RNF17: variants seen among roughly 807,000 people sequenced by gnomAD.
The protein encoded by RNF17 is spermatogenesis associated 23.
A neutral mutation model predicts 200.5 loss-of-function variants in RNF17; 31 were observed. That is an observed-to-expected ratio of 0.15 (90% confidence interval 0.12 to 0.21). RNF17 has a LOEUF of 0.21. RNF17 is among the 10% of genes least tolerant of loss of function. RNF17 has a pLI of 1.00. For missense variants in RNF17, 1,628 were observed against 1,905.1 expected (o/e 0.85, Z 2.71); for synonymous variants, 606 against 637.8 (o/e 0.95, Z 0.75).
At chr13:24,862,514 G>C (rs975574134) in intron 27 of RNF17, among the ~76,000 whole-genome samples, 199 bp from the exon 28 acceptor site, 2 of 152,068 alleles carry the variant, frequency 1.3e-5, no homozygotes, top group Non-Finnish European at 2.9e-5. Flanking sequence ...TATTTTTAAA[G>C]CATAAAATGA....
chr13:24,754,194 GA>G, the RNF17 span, among the ~76,000 whole-genome samples: 1 of 151,312 alleles, frequency 6.6e-6, no homozygotes, highest in African/African-American at 2.4e-5. Context: ...AAAATAAATA[GA>G]AAAAAAGGAA....
chr13:24,779,537 T>A (rs1238838834), intron 4 of RNF17, 130 bp from the exon 5 acceptor site: 1 of 591,932 alleles, frequency 1.7e-6, no homozygotes, highest in Non-Finnish European at 2.9e-6. Flanking sequence ...TGTTTTCACT[T>A]TTCTGTAGTG....
intron 2 of RNF17, among the ~76,000 whole-genome samples, chr13:24,767,746 CAAAA>C (rs71186846): frequency 1.1e-5 from 1 of 94,992 alleles, no homozygotes; most frequent in Non-Finnish European, 2.2e-5. Context: ...GACTCCATCT[CAAAA>C]AAAAAAAAAA....
In RNF17 at chr13:24,879,290, C is replaced by G; in HGVS notation, c.*5C>G. 6.3e-7 allele frequency: 1 copy of G among 1,582,220 alleles called. No individual in the cohort carries two copies. Among genetic ancestry groups the G allele is most frequent in the Non-Finnish European group, 8.7e-7 (1 of 1,151,200 alleles). ...CTTGCAGATAAAGATGAATAAGTGC[C>G]TAAGTGTAAGTTCTCATTCTCTTCA... On this transcript the variant is annotated 3_prime_UTR_variant, in exon 35 of 36. Coordinates refer to ENST00000255324, the MANE Select transcript of RNF17 (RefSeq NM_031277.3).
chr13:24,847,428 C>CT lies in RNF17; in HGVS notation c.3101+2352dup, dbSNP rs760988972. On this transcript the variant is annotated intron_variant, in intron 22 of 35. Transcript: ENST00000255324. ...TGGCGTCATCTCAGCTCACCGCAACCTTTGCCTCCCAGATTCAAGCGATTC... is the reference window on the plus strand; with the variant it reads ...TGGCGTCATCTCAGCTCACCGCAACCTTTTGCCTCCCAGATTCAAGCGATTC... 2.0e-5 allele frequency among the ~76,000 whole-genome samples: 3 copies of CT among 151,458 alleles called. No individual in the cohort carries two copies. In the East Asian group the frequency reaches 5.8e-4, roughly 30 times the overall value.
intron 15 of RNF17, 52 bp downstream of exon 15, chr13:24,804,481 G>T: frequency 7.2e-7 from 1 of 1,386,182 alleles, no homozygotes; most frequent in South Asian, 1.3e-5. Flanking sequence ...ATTTTAATTA[G>T]ACATGTATAA....
intron 2 of RNF17, among the ~76,000 whole-genome samples, chr13:24,768,283 A>AT (rs1880058128): frequency 1.9e-5 from 2 of 107,866 alleles, no homozygotes; most frequent in East Asian, 5.7e-4. Flanking sequence ...CAAGCTGTAA[A>AT]TTCCTTTTTT....
At chr13:24,748,811 G>A in the RNF17 span, among the ~76,000 whole-genome samples, 1 of 151,700 alleles carries the variant, frequency 6.6e-6, no homozygotes, top group Non-Finnish European at 1.5e-5. Context: ...AACGAACGGC[G>A]TGATCTTGGC....
At chr13:24,822,287 C>G (rs1194828450) in intron 15 of RNF17, among the ~76,000 whole-genome samples, 4 of 152,198 alleles carry the variant, frequency 2.6e-5, no homozygotes, top group Non-Finnish European at 5.9e-5. Context: ...CTGCCGGCAT[C>G]TGTGTCTGCA....
chr13:24,883,507 A>G (rs1953925544), downstream of RNF17: 1 of 636,220 alleles, frequency 1.6e-6, no homozygotes, highest in Non-Finnish European at 2.7e-6. Flanking sequence ...ATACAATTGT[A>G]ACTTTCTACA....
intron 25 of RNF17, among the ~76,000 whole-genome samples, chr13:24,857,535 G>C (rs1425805041): frequency 6.6e-6 from 1 of 152,192 alleles, no homozygotes; most frequent in African/African-American, 2.4e-5. Context: ...GCACTAAGAT[G>C]CTGGGGGTGT....
At chr13:24,886,154 G>T in the RNF17 span, 1 of 471,094 alleles carries the variant, frequency 2.1e-6, no homozygotes, top group Non-Finnish European at 4.0e-6. Context: ...AACAAAGTGA[G>T]GTGAATCTCT....
chr13:24,850,261 G>T (rs1030462453), intron 22 of RNF17, 80 bp from the exon 23 acceptor site: 1 of 842,106 alleles, frequency 1.2e-6, no homozygotes, highest in Non-Finnish European at 2.0e-6. Flanking sequence ...GTGTATCTGT[G>T]TGTAAATATA....
At chr13:24,795,157 T>C (rs1055798116) in intron 10 of RNF17, among the ~76,000 whole-genome samples, 1 of 152,232 alleles carries the variant, frequency 6.6e-6, no homozygotes, top group African/African-American at 2.4e-5. Context: ...GTTCAGTTTC[T>C]GTCATCTATC....
In RNF17 at chr13:24,858,982, C is replaced by T. The variant is rs760484126; in HGVS notation, c.3611-19C>T. On this transcript the variant is annotated intron_variant, in intron 25 of 35. Transcript: ENST00000255324. ...GGGAATTTTCCTTAATGCTTTCTATCTTTAATACTTTTTTTCAGAATTTGA... is the reference window on the plus strand; with the variant it reads ...GGGAATTTTCCTTAATGCTTTCTATTTTTAATACTTTTTTTCAGAATTTGA... The T allele has an allele frequency of 7.5e-6, 11 of 1,473,664 alleles. No homozygotes were observed. The South Asian group carries it at 1.3e-4, about 18-fold the overall frequency. The allele number at this position is 1,473,664 out of a possible 1,614,324, so 91.3% of individuals were successfully genotyped here.
intron 27 of RNF17, among the ~76,000 whole-genome samples, 183 bp from the exon 28 acceptor site, chr13:24,862,530 C>T (rs1412672472): frequency 6.6e-6 from 1 of 152,074 alleles, no homozygotes; most frequent in Non-Finnish European, 1.5e-5. Context: ...AATGAGTACT[C>T]AAATTATTCA....
intron 5 of RNF17, among the ~76,000 whole-genome samples, chr13:24,780,963 A>T (rs545289924): frequency 3.3e-5 from 5 of 152,296 alleles, no homozygotes; most frequent in Middle Eastern, 3.4e-3. Context: ...TATACGATTC[A>T]TCCTAGGGCA....
chr13:24,793,097 A>G lies in RNF17; in HGVS notation c.991A>G (p.Lys331Glu). The change falls in exon 10 of 36, where the codon AAA becomes GAA. Residue 331 changes from lysine (K) to glutamate (E), a missense_variant. Around this residue, in one of 5 missense-constraint regions of RNF17, gnomAD observed 502 missense variants for 501.7 expected, o/e 1.00. Coordinates refer to ENST00000255324, the MANE Select transcript of RNF17 (RefSeq NM_031277.3). ...GAATGTTCAAAAGAAATATAATAAC[A>G]AAAAGGAACTTTCTTGTTACGATAC... ...RQNVQKKYNN[K>E]KELSCYDTYP... is the part of the protein sequence containing the mutation. 1 of 1,600,430 alleles carries G rather than the reference A, an allele frequency of 6.2e-7. No individual in the cohort carries two copies. Among genetic ancestry groups the G allele is most frequent in the South Asian group, 1.1e-5 (1 of 87,874 alleles).
At chr13:24,771,323 C>CTTTTTT (rs35220494) in intron 2 of RNF17, among the ~76,000 whole-genome samples, 994 of 78,004 alleles carry the variant, frequency 0.013, 133 homozygotes, top group East Asian at 0.1. Context: ...CACAGATAAT[C>CTTTTTT]TTTTTTTTTT....
Sources: gnomAD v4.1 joint callset for allele counts (sites outside exome capture counted in the v4.1 genomes callset) on GRCh38, gnomAD v4.1.1 for gene constraint, gnomAD v4.1.1 regional missense constraint, MANE v1.5 for transcripts, NCBI Gene and HGNC (gene_info 2026-07-23, HGNC 2026-07-21) for gene names.